Variants in BTBD1 observed in about 807,000 individuals in gnomAD.
BTBD1 encodes BTB domain containing 1.
A neutral mutation model predicts 48.0 loss-of-function variants in BTBD1; 34 were observed. The observed-to-expected ratio is 0.71, with a 90% CI of 0.54 to 0.94. The LOEUF (loss-of-function observed/expected upper bound fraction) is 0.94, where lower values mean the gene tolerates loss of function less well. BTBD1 is among the 40% of genes least tolerant of loss of function. The pLI is 0.00. For missense variants in BTBD1, 543 were observed against 625.6 expected (o/e 0.87, Z 1.41); for synonymous variants, 261 against 242.1 (o/e 1.08, Z -0.72).
intron 1 of BTBD1, among the ~76,000 whole-genome samples, chr15:83,062,052 A>C (rs574133755): frequency 6.6e-6 from 1 of 152,230 alleles, no homozygotes; most frequent in Non-Finnish European, 1.5e-5. Context: ...CCTTAGAAGC[A>C]GGCACTAAAA....
chr15:83,041,393 T>C (rs1377631384), intron 4 of BTBD1, among the ~76,000 whole-genome samples: 2 of 148,816 alleles, frequency 1.3e-5, no homozygotes, highest in Non-Finnish European at 3.0e-5. Context: ...TGAGATGGAG[T>C]CTCGTGGAAT....
chr15:83,061,858 GTGA>G (rs1316501995), intron 1 of BTBD1: 3 of 152,218 alleles, frequency 2.0e-5, no homozygotes, highest in Non-Finnish European at 2.9e-5. Context: ...ACGCATTCCA[GTGA>G]TTTGTTCCAC....
Position 83,066,805 on chromosome 15 carries a change from G to A in BTBD1, c.347C>T (p.Ser116Leu). The change falls in exon 1 of 8, where the codon TCG (serine) becomes TTG (leucine). Residue 116 changes from serine (S) to leucine (L), a missense_variant. Transcript: ENST00000261721. The stretch of plus-strand genomic sequence containing the variant: ...CACGTCCGGCAGCTCGATCTCGGCC[G>A]ACGTGGTGGCCATGCCGCCGTTGAA... ...AMFNGGMATT[S>L]AEIELPDVEP... 6.9e-7 allele frequency: 1 copy of A among 1,446,460 alleles called. No individual in the cohort carries two copies. The highest frequency in any genetic ancestry group is 9.1e-7 in the Non-Finnish European group (1 of 1,102,268). 89.6% of individuals were successfully genotyped at this position (1,446,460 alleles called of 1,614,324 possible).
intron 1 of BTBD1, among the ~76,000 whole-genome samples, chr15:83,060,542 C>A (rs2033159993): frequency 6.6e-6 from 1 of 151,858 alleles, no homozygotes; most frequent in Non-Finnish European, 1.5e-5. Context: ...ACCTGTAATC[C>A]CAGCACTTTG....
intron 4 of BTBD1, among the ~76,000 whole-genome samples, chr15:83,036,074 C>A (rs1162434768): frequency 1.2e-5 from 1 of 85,502 alleles, no homozygotes; most frequent in Admixed American, 1.6e-4. Flanking sequence ...ACTATATTCA[C>A]AGAATAAGGG....
At chr15:83,023,300 A>G (rs879797581) in intron 5 of BTBD1, among the ~76,000 whole-genome samples, 1 of 152,188 alleles carries the variant, frequency 6.6e-6, no homozygotes, top group Non-Finnish European at 1.5e-5. Context: ...TAGCTAAATC[A>G]TTTTATGAAG....
In BTBD1 at chr15:83,056,420, C is replaced by T; in HGVS notation, c.527G>A (p.Arg176Lys). The change falls in exon 2 of 8, where the codon AGG (arginine) becomes AAG (lysine). Residue 176 changes from arginine to lysine, a missense_variant. Arg to Lys is a conservative substitution (Grantham distance 26). Around this residue, in one of 3 missense-constraint regions of BTBD1, gnomAD observed 70 missense variants for 111.7 expected, o/e 0.63. Coordinates refer to ENST00000261721, the MANE Select transcript of BTBD1 (RefSeq NM_025238.4). The stretch of plus-strand genomic sequence containing the variant: ...AAGTAACATAAAGGCATTATCTGCC[C>T]TAAGATGTTTGGTGAGAAATTCTAC... ...HCVEFLTKHL[R>K]ADNAFMLLTQ... 6.2e-7 allele frequency: 1 copy of T among 1,613,560 alleles called. No individual in the cohort carries two copies. The highest frequency in any genetic ancestry group is 8.5e-7 in the Non-Finnish European group (1 of 1,179,624).
At chr15:83,027,931 T>C (rs1189444466) in intron 5 of BTBD1, among the ~76,000 whole-genome samples, 1 of 152,222 alleles carries the variant, frequency 6.6e-6, no homozygotes, top group African/African-American at 2.4e-5. Context: ...AGTCTATGTA[T>C]TGAACTACAT....
intron 2 of BTBD1, among the ~76,000 whole-genome samples, chr15:83,052,432 A>G (rs946102507): frequency 1.3e-5 from 2 of 152,130 alleles, no homozygotes; most frequent in Non-Finnish European, 1.5e-5. Context: ...ACATAATCAT[A>G]GTAATTAATT....
chr15:83,044,643 T>C (rs1173905697), intron 3 of BTBD1: 2 of 1,542,302 alleles, frequency 1.3e-6, no homozygotes, highest in Non-Finnish European at 1.8e-6. Context: ...AGATGGTGCA[T>C]TGGTTCAGCA....
intron 3 of BTBD1, among the ~76,000 whole-genome samples, chr15:83,045,608 C>T (rs2032862975): frequency 6.6e-6 from 1 of 152,140 alleles, no homozygotes; most frequent in African/African-American, 2.4e-5. Context: ...GCAAAGGTAT[C>T]ATAGTCCCAA....
intron 5 of BTBD1, among the ~76,000 whole-genome samples, chr15:83,023,285 TC>T (rs1261312728): frequency 2.0e-5 from 3 of 152,290 alleles, no homozygotes; most frequent in Non-Finnish European, 4.4e-5. Context: ...TGAGGAACAA[TC>T]CTATAGCTAA....
intron 2 of BTBD1, among the ~76,000 whole-genome samples, chr15:83,050,921 C>G (rs1333538756): frequency 6.6e-6 from 1 of 150,954 alleles, no homozygotes; most frequent in African/African-American, 2.4e-5. Context: ...ATATAATGAG[C>G]AAGAATATGT....
intron 1 of BTBD1, among the ~76,000 whole-genome samples, chr15:83,058,290 C>T (rs1487634945): frequency 1.3e-5 from 2 of 152,232 alleles, no homozygotes; most frequent in Non-Finnish European, 2.9e-5. Flanking sequence ...CTTCCAACTT[C>T]TCTGTCCCTT....
chr15:83,059,547 A>C (rs903205765), intron 1 of BTBD1, among the ~76,000 whole-genome samples: 3 of 152,062 alleles, frequency 2.0e-5, no homozygotes, highest in African/African-American at 7.2e-5. Context: ...TCCGTCTCAA[A>C]AACAACAACA....
chr15:83,048,332 T>C (rs2032917473), intron 3 of BTBD1, among the ~76,000 whole-genome samples: 1 of 152,180 alleles, frequency 6.6e-6, no homozygotes, highest in African/African-American at 2.4e-5. Context: ...CAAATGCCTA[T>C]AAAATCTCCA....
chr15:83,027,032 C>T (rs1007413199), intron 5 of BTBD1, among the ~76,000 whole-genome samples: 1 of 152,034 alleles, frequency 6.6e-6, no homozygotes, highest in East Asian at 1.9e-4. Flanking sequence ...ATACACGCCT[C>T]GCATAGATTA....
intron 2 of BTBD1, among the ~76,000 whole-genome samples, chr15:83,056,070 C>T (rs977086393): frequency 2.0e-5 from 3 of 146,888 alleles, no homozygotes; most frequent in East Asian, 1.9e-4. Context: ...CCACCACAGC[C>T]GGCTAATTTT....
chr15:83,051,118 G>A (rs962502354), intron 2 of BTBD1, among the ~76,000 whole-genome samples: 1 of 151,984 alleles, frequency 6.6e-6, no homozygotes, highest in Non-Finnish European at 1.5e-5. Flanking sequence ...GAAAAAGGAG[G>A]TATGATGATA....
Sources: allele counts gnomAD v4.1 joint callset (sites outside exome capture counted in the v4.1 genomes callset), GRCh38; gene constraint gnomAD v4.1.1; regional missense constraint gnomAD v4.1.1; transcripts MANE v1.5; gene names NCBI Gene and HGNC (gene_info 2026-07-23, HGNC 2026-07-21).